The following C14orf39 variants were observed in gnomAD, a reference collection of about 807,000 sequenced individuals.
The protein encoded by C14orf39 is chromosome 14 open reading frame 39.
A neutral mutation model predicts 85.6 loss-of-function variants in C14orf39; 66 were observed. The ratio of observed to expected loss-of-function variants is 0.77; its 90% CI spans 0.63 to 0.95. C14orf39 has a LOEUF of 0.95. C14orf39 is among the 40% of genes least tolerant of loss of function. The probability of loss-of-function intolerance (pLI) is 0.00; values close to 1 mark genes in which losing one functional copy is unlikely to be tolerated. For synonymous variants in C14orf39, 242 were observed against 214.0 expected (o/e 1.13, Z -1.14); for missense variants, 735 against 663.9 (o/e 1.11, Z -1.18).
At chr14:60,477,391 C>T (rs368801743) in intron 5 of C14orf39, among the ~76,000 whole-genome samples, 7 of 152,056 alleles carry the variant, frequency 4.6e-5, no homozygotes, top group African/African-American at 1.4e-4. Context: ...AGATACTGTT[C>T]TCATCCAATT....
rs1303631942 is a variant in C14orf39, at chr14:60,508,586, G to C, written c.-144+6809C>G. Among the ~76,000 whole-genome samples the C allele has an allele frequency of 3.3e-5, 5 of 152,176 alleles. No homozygotes were observed. The East Asian group carries it at 9.6e-4, about 29-fold the overall frequency. On this transcript the variant is annotated intron_variant, in intron 1 of 5. Transcript: ENST00000556799. ...TCTACAGATCCCTGGTCCTGTTCCT[G>C]CTGCTCCAGATTTGCTTCCCACTCA...
intron 1 of C14orf39, chr14:60,508,931 TC>T: frequency 5.5e-6 from 1 of 180,338 alleles, no homozygotes; most frequent in Non-Finnish European, 1.2e-5. Context: ...GCTGCCGCAC[TC>T]GCCTCTCTTT....
At chr14:60,501,166 A>T (rs539714056) in intron 1 of C14orf39, among the ~76,000 whole-genome samples, 8 of 152,084 alleles carry the variant, frequency 5.3e-5, no homozygotes, top group Admixed American at 2.0e-4. Flanking sequence ...AATTAGCCAG[A>T]TGTGATGCCA....
Position 60,469,623 on chromosome 14 carries a change from A to G in C14orf39, c.585T>C (p.Ile195=). The part of the protein sequence containing the change: ...IVNLRCETQD[I]LKHASNLTKS... Reference sequence around the variant, plus strand: ...TGGTAAGATTGCTGGCATGTTTAAGAATATCTTGTGTTTCACATCTCAAAT... The same window carrying G: ...TGGTAAGATTGCTGGCATGTTTAAGGATATCTTGTGTTTCACATCTCAAAT... Residue 195 remains isoleucine (I), a synonymous_variant, in exon 8 of 18, where the codon ATT becomes ATC. Coordinates refer to ENST00000321731, the MANE Select transcript of C14orf39 (RefSeq NM_174978.3). 1 of 1,485,750 alleles carries G rather than the reference A, an allele frequency of 6.7e-7. No individual in the cohort carries two copies. The highest frequency in any genetic ancestry group is 9.1e-7 in the Non-Finnish European group (1 of 1,098,496). The allele number at this position is 1,485,750 out of a possible 1,614,324, so 92.0% of individuals were successfully genotyped here. A position where few individuals can be genotyped will look rare whatever the true frequency, so the allele number is the denominator to read the frequency against.
intron 17 of C14orf39, among the ~76,000 whole-genome samples, chr14:60,439,145 G>T (rs1890392758): frequency 6.6e-6 from 1 of 152,112 alleles, no homozygotes; most frequent in African/African-American, 2.4e-5. Flanking sequence ...ATTGTATGCA[G>T]GTATCAAAAT....
At chr14:60,510,027 C>A in intron 1 of C14orf39, 1 of 1,461,596 alleles carries the variant, frequency 6.8e-7, no homozygotes, top group Non-Finnish European at 9.4e-7. Flanking sequence ...CGGGTGGAGG[C>A]ACCTCTGGCG....
Position 60,455,077 on chromosome 14 carries a change from A to C in C14orf39, c.1427T>G (p.Met476Arg). 6.3e-7 allele frequency: 1 copy of C among 1,579,486 alleles called. No homozygotes were observed. The highest frequency in any genetic ancestry group is 8.6e-7 in the Non-Finnish European group (1 of 1,166,892). Reference sequence around the variant, plus strand: ...TCCAGGTGATCTAGAAGTATAACTCATAAGAAAAGAAAGTCCAGGGGATTC... The same window carrying C: ...TCCAGGTGATCTAGAAGTATAACTCCTAAGAAAAGAAAGTCCAGGGGATTC... Reference protein sequence around the residue: ...EKESPGLSFLMSYTSRSPGLN... With the variant: ...EKESPGLSFLRSYTSRSPGLN... The change falls in exon 16 of 18, where the codon ATG (methionine) becomes AGG (arginine). Residue 476 changes from methionine to arginine, a missense_variant. Met to Arg is a moderately conservative substitution (Grantham distance 91). Transcript: ENST00000321731.
chr14:60,472,429 T>C (rs1043987249), intron 5 of C14orf39, among the ~76,000 whole-genome samples: 3 of 152,078 alleles, frequency 2.0e-5, no homozygotes, highest in Non-Finnish European at 4.4e-5. Context: ...CTTTTAAGTT[T>C]TAGGGTATAT....
chr14:60,479,149 T>C (rs570918461), intron 4 of C14orf39, among the ~76,000 whole-genome samples: 1 of 152,244 alleles, frequency 6.6e-6, no homozygotes, highest in East Asian at 1.9e-4. Flanking sequence ...ATAATGACTA[T>C]TATTGTTTTA....
At chr14:60,458,303 C>T (rs1457436810) in intron 14 of C14orf39, among the ~76,000 whole-genome samples, 1 of 151,850 alleles carries the variant, frequency 6.6e-6, no homozygotes, top group Non-Finnish European at 1.5e-5. Context: ...CTCTGGTAAC[C>T]ACCAATCTAT....
Position 60,436,951 on chromosome 14 carries a change from A to G in C14orf39, c.1658T>C (p.Phe553Ser). 6.2e-7 allele frequency: 1 copy of G among 1,612,788 alleles called. No homozygotes were observed. ...THTFGAGKDD[F>S]SFPFSFGQGQ... is the part of the protein sequence containing the mutation. The stretch of plus-strand genomic sequence containing the variant: ...CTGTCCAAATGAAAATGGAAAACTA[A>G]AATCATCTTTTCCAGCTCCAAATGT... The change falls in exon 18 of 18, where the codon TTT (phenylalanine) becomes TCT (serine). Residue 553 changes from phenylalanine (F) to serine (S), a missense_variant. Phe to Ser is a radical substitution (Grantham distance 155, BLOSUM62 -2). Transcript: ENST00000321731.
At chr14:60,513,313 A>G (rs567744433) in intron 1 of C14orf39, among the ~76,000 whole-genome samples, 1 of 152,262 alleles carries the variant, frequency 6.6e-6, no homozygotes, top group South Asian at 2.1e-4. Context: ...TCAGTACTTA[A>G]TTTTGTTTCC....
At chr14:60,473,586 G>A (rs1022623566) in intron 5 of C14orf39, among the ~76,000 whole-genome samples, 28 of 152,170 alleles carry the variant, frequency 1.8e-4, no homozygotes, top group African/African-American at 4.6e-4. Flanking sequence ...TGTATAAGGC[G>A]TAAGGAAGGG....
intron 11 of C14orf39, among the ~76,000 whole-genome samples, chr14:60,464,700 TTTC>T (rs1217620869): frequency 6.6e-5 from 10 of 152,100 alleles, no homozygotes; most frequent in East Asian, 5.8e-4. Flanking sequence ...CCTGATATAT[TTTC>T]TTCTTTTTTT....
chr14:60,473,810 G>T (rs190822329), intron 5 of C14orf39, among the ~76,000 whole-genome samples: 1,752 of 152,252 alleles, frequency 0.012, 34 homozygotes, highest in Non-Finnish European at 0.013. Flanking sequence ...CTGTAGCCTT[G>T]TAGTATAGTT....
At chr14:60,460,481 C>T (rs910580777) in intron 13 of C14orf39, among the ~76,000 whole-genome samples, 1 of 151,814 alleles carries the variant, frequency 6.6e-6, no homozygotes, top group African/African-American at 2.4e-5. Context: ...CTATTTCATG[C>T]TGTCAGAATA....
At position 60,436,848 on chromosome 14, in the gene C14orf39, A is replaced by C. The variant is rs1890271901; in HGVS notation, c.1761T>G (p.Phe587Leu). The C allele has an allele frequency of 6.3e-7, 1 of 1,597,594 alleles. No homozygotes were observed. The highest frequency in any genetic ancestry group is 1.3e-5 in the African/African-American group (1 of 74,242). ...ATTTAAGGAATTAATGACTAGCTCAAAAAAAAGTAAACTGTGTTGTATTTT... is the reference window on the plus strand; with the variant it reads ...ATTTAAGGAATTAATGACTAGCTCACAAAAAAGTAAACTGTGTTGTATTTT... Reference protein sequence around the residue: ...SSQNTTQFTFF With the variant: ...SSQNTTQFTFL The change falls in exon 18 of 18, where the codon TTT becomes TTG. Residue 587 changes from phenylalanine to leucine, a missense_variant. Phe to Leu is a conservative substitution (Grantham distance 22). Transcript: ENST00000321731.
Position 60,484,837 on chromosome 14 carries a change from G to A in C14orf39, c.106+44C>T, listed in dbSNP as rs745750307. 3.0e-6 allele frequency: 4 copies of A among 1,349,158 alleles called. No individual in the cohort carries two copies. The highest frequency in any genetic ancestry group is 2.2e-4 in the Middle Eastern group (1 of 4,534). 83.6% of individuals were successfully genotyped at this position (1,349,158 alleles called of 1,614,324 possible). A position where few individuals can be genotyped will look rare whatever the true frequency, so the allele number is the denominator to read the frequency against. On this transcript the variant is annotated intron_variant, in intron 3 of 17. Coordinates refer to ENST00000321731, the MANE Select transcript of C14orf39 (RefSeq NM_174978.3). This position sits in a 1 kb window ranked among gnomAD's most constrained non-coding sequence, Gnocchi z 4.2. ...AGCAATTGTATGTTATATGCCATAA[G>A]GAATTAAAAGACTAAAATATCTTGA...
intron 5 of C14orf39, among the ~76,000 whole-genome samples, chr14:60,473,544 T>C (rs1261760833): frequency 6.6e-6 from 1 of 152,196 alleles, no homozygotes; most frequent in Non-Finnish European, 1.5e-5. Flanking sequence ...AGGTCTAACA[T>C]GTAAGTCTTT....
Sources: gnomAD v4.1 joint callset for allele counts (sites outside exome capture counted in the v4.1 genomes callset) on GRCh38, gnomAD v4.1.1 for gene constraint, Gnocchi (gnomAD v3.1) non-coding constraint, MANE v1.5 for transcripts, NCBI Gene and HGNC (gene_info 2026-07-23, HGNC 2026-07-21) for gene names.